Variants in IQGAP1 observed in about 807,000 individuals in gnomAD.
IQGAP1 encodes the protein IQ motif containing GTPase activating protein 1.
In IQGAP1, 66 loss-of-function variants were observed where a neutral mutation model predicts 215.6. The observed-to-expected ratio is 0.31, with a 90% CI of 0.25 to 0.38. IQGAP1 has a LOEUF of 0.38. Ranked by LOEUF, IQGAP1 falls within the 10% of genes least tolerant of loss-of-function variation. IQGAP1 has a pLI of 1.00. For synonymous variants in IQGAP1, 772 were observed against 728.7 expected (o/e 1.06, Z -0.96); for missense variants, 1,712 against 1,997.1 (o/e 0.86, Z 2.72).
At chr15:90,464,721 G>A (rs1567135051) in intron 15 of IQGAP1, among the ~76,000 whole-genome samples, 1 of 151,900 alleles carries the variant, frequency 6.6e-6, no homozygotes, top group Admixed American at 6.6e-5. Context: ...GCGTGGTGGC[G>A]GGTGCACGTA....
chr15:90,416,142 G>T (rs1965043773), intron 2 of IQGAP1, among the ~76,000 whole-genome samples: 2 of 152,004 alleles, frequency 1.3e-5, no homozygotes, highest in African/African-American at 2.4e-5. Context: ...TTTACATTAG[G>T]TATGTCTCCT....
rs780433995 is a variant in IQGAP1 at position 90,474,153 on chromosome 15, T to C, written c.2575+20T>C. ...CTCTCAGTGAGTAACTGGCTCCGCA[T>C]GAAGAGTTGAGGCAGTGGCTGGGAG... On this transcript the variant is annotated intron_variant, in intron 22 of 37. Transcript: ENST00000268182. 1 of 1,596,628 alleles carries C rather than the reference T, an allele frequency of 6.3e-7. No homozygotes were observed. Among genetic ancestry groups the C allele is most frequent in the Non-Finnish European group, 8.5e-7 (1 of 1,170,760 alleles).
At chr15:90,464,347 C>G (rs114515739) in intron 15 of IQGAP1, among the ~76,000 whole-genome samples, 2,135 of 152,188 alleles carry the variant, frequency 0.014, 40 homozygotes, top group African/African-American at 0.048. Flanking sequence ...TAAAGAACCC[C>G]CACTCTTTTG....
intron 15 of IQGAP1, among the ~76,000 whole-genome samples, chr15:90,461,897 T>C (rs1295385708): frequency 6.6e-6 from 1 of 150,472 alleles, no homozygotes; most frequent in Non-Finnish European, 1.5e-5. Context: ...CTTTGTACTT[T>C]GGGAGGCTGA....
At chr15:90,462,080 A>G (rs1486513126) in intron 15 of IQGAP1, among the ~76,000 whole-genome samples, 1 of 151,968 alleles carries the variant, frequency 6.6e-6, no homozygotes, top group Non-Finnish European at 1.5e-5. Context: ...AGGCAGGAGA[A>G]TGGCATGAAC....
intron 37 of IQGAP1, 58 bp from the exon 38 acceptor site, chr15:90,499,935 TCC>T (rs1041041283): frequency 3.5e-6 from 4 of 1,134,554 alleles, no homozygotes; most frequent in Non-Finnish European, 5.3e-6. Flanking sequence ...TTTTCCTTGT[TCC>T]ACAGACTTGA....
chr15:90,461,062 T>G (rs1034713533), intron 15 of IQGAP1, among the ~76,000 whole-genome samples: 3 of 150,494 alleles, frequency 2.0e-5, no homozygotes, highest in African/African-American at 7.3e-5. Context: ...ATCCCAGCAC[T>G]TTGGGAGTCC....
rs1444490404 is a variant in IQGAP1 at position 90,491,563 on chromosome 15, CAG to C, written c.4461+21_4461+22del. 2 of 1,602,898 alleles carry C rather than the reference CAG, an allele frequency of 1.2e-6. No homozygotes were observed. The highest frequency in any genetic ancestry group is 1.7e-6 in the Non-Finnish European group (2 of 1,170,122). On this transcript the variant is annotated intron_variant, in intron 34 of 37. Coordinates refer to ENST00000268182, the MANE Select transcript of IQGAP1 (RefSeq NM_003870.4). ...TTGCCAGGGTACTGCATTCGGGGGA[CAG>C]AGGGGACCCGGCCTTGTTCAAAGCT...
chr15:90,453,052 A>G (rs2151023873), intron 12 of IQGAP1, 80 bp from the exon 13 acceptor site: 3 of 1,552,924 alleles, frequency 1.9e-6, no homozygotes, highest in Non-Finnish European at 2.6e-6. Context: ...GTTTTCTTAC[A>G]GTTTTATTAA....
chr15:90,490,957 C>T (rs535488897), intron 33 of IQGAP1, among the ~76,000 whole-genome samples: 4 of 152,236 alleles, frequency 2.6e-5, no homozygotes, highest in African/African-American at 7.2e-5. Context: ...TACAGGCACT[C>T]GCCCCATGCT....
intron 10 of IQGAP1, among the ~76,000 whole-genome samples, 168 bp downstream of exon 10, chr15:90,448,904 T>G (rs1965562249): frequency 6.6e-6 from 1 of 152,214 alleles, no homozygotes; most frequent in Non-Finnish European, 1.5e-5. Context: ...CACATTGTCT[T>G]CAGCTCACTT....
At chr15:90,422,583 C>G (rs1055731114) in intron 2 of IQGAP1, among the ~76,000 whole-genome samples, 3 of 138,060 alleles carry the variant, frequency 2.2e-5, no homozygotes, top group African/African-American at 8.1e-5. Context: ...ATAAACATTT[C>G]AGAAATGTTT....
intron 2 of IQGAP1, among the ~76,000 whole-genome samples, chr15:90,415,160 T>C (rs2589951): frequency 0.36 from 54,882 of 152,088 alleles, 10,540 homozygotes; most frequent in East Asian, 0.67. Context: ...CTTTACTTTG[T>C]ATTTCTTTGG....
rs1163057064 is a variant in IQGAP1 at position 90,494,714 on chromosome 15, G to A, written c.4630G>A (p.Val1544Ile). ...AGTGACATGATGTGATTTTTACAGA[G>A]TCTCCAAAAAGCCTAGGGAAATGAA... ...CLDNLASKGK[V>I]SKKPREMKGK... Residue 1544 changes from valine (V) to isoleucine (I), a missense_variant and splice_region_variant, in exon 36 of 38, where the codon GTC (valine) becomes ATC (isoleucine). Transcript: ENST00000268182. 6.2e-7 allele frequency: 1 copy of A among 1,603,242 alleles called. No individual in the cohort carries two copies. Among genetic ancestry groups the A allele is most frequent in the East Asian group, 2.2e-5 (1 of 44,510 alleles).
At chr15:90,418,885 G>C (rs1361002221) in intron 2 of IQGAP1, among the ~76,000 whole-genome samples, 1 of 152,100 alleles carries the variant, frequency 6.6e-6, no homozygotes, top group African/African-American at 2.4e-5. Flanking sequence ...CGTGGCTCAC[G>C]CCTGTAATCC....
At chr15:90,487,609 T>G (rs1966145081) in intron 33 of IQGAP1, 27 bp downstream of exon 33, 1 of 1,475,762 alleles carries the variant, frequency 6.8e-7, no homozygotes, top group Non-Finnish European at 9.5e-7. Flanking sequence ...AACATACTCC[T>G]TTGTTTGGTA....
intron 17 of IQGAP1, among the ~76,000 whole-genome samples, 174 bp downstream of exon 17, chr15:90,466,610 C>T (rs182115404): frequency 4.0e-5 from 6 of 150,960 alleles, no homozygotes; most frequent in African/African-American, 7.4e-5. Flanking sequence ...CCTTCCCCCC[C>T]CCCTTGTGGA....
At chr15:90,414,127 C>T (rs552534198) in intron 2 of IQGAP1, among the ~76,000 whole-genome samples, 1 of 152,198 alleles carries the variant, frequency 6.6e-6, no homozygotes, top group African/African-American at 2.4e-5. Context: ...TCTCCGTTCC[C>T]CCTAGTTTTT....
chr15:90,397,556 G>T (rs896896950), intron 2 of IQGAP1, among the ~76,000 whole-genome samples: 1 of 129,412 alleles, frequency 7.7e-6, no homozygotes, highest in African/African-American at 3.0e-5. Flanking sequence ...TTGCTCTGTC[G>T]CCCAGGCTGG....
Sources: gnomAD v4.1 joint callset for allele counts (sites outside exome capture counted in the v4.1 genomes callset) on GRCh38, gnomAD v4.1.1 for gene constraint, MANE v1.5 for transcripts, NCBI Gene and HGNC (gene_info 2026-07-23, HGNC 2026-07-21) for gene names.